HLCS: variants seen among roughly 807,000 people sequenced by gnomAD.
HLCS encodes the protein biotin--protein ligase.
Under a neutral mutation model 75.0 loss-of-function variants are expected in HLCS, and 53 were observed. That is an observed-to-expected ratio of 0.71 (90% confidence interval 0.57 to 0.89). HLCS has a LOEUF of 0.89. HLCS is among the 40% of genes least tolerant of loss of function. The pLI is 0.00. For synonymous variants in HLCS, 431 were observed against 428.6 expected (o/e 1.01, Z -0.07); for missense variants, 966 against 1,074.0 (o/e 0.90, Z 1.41).
At chr21:36,918,977 T>A (rs1277784801) in intron 5 of HLCS, among the ~76,000 whole-genome samples, 1 of 152,242 alleles carries the variant, frequency 6.6e-6, no homozygotes, top group African/African-American at 2.4e-5. Context: ...TGACTGGACA[T>A]GAGATTATAT....
At position 36,787,225 on chromosome 21, in the gene HLCS, G is replaced by A. The variant is rs140832519; in HGVS notation, c.1893-19940C>T. On this transcript the variant is annotated intron_variant, in intron 6 of 10. Coordinates refer to ENST00000674895, the MANE Select transcript of HLCS (RefSeq NM_001352514.2). ...CACGTCCACTCTGAGTGCAGGTCCG[G>A]CTCAGTTTTGGATGTTCCTCCGAGA... Among the ~76,000 whole-genome samples, 304 of 152,342 alleles carry A rather than the reference G, an allele frequency of 2.0e-3. 2 individuals are homozygous for A. The highest frequency in any genetic ancestry group is 3.0e-3 in the Non-Finnish European group (204 of 68,034).
At chr21:36,855,723 C>T (rs1344034450) in intron 6 of HLCS, among the ~76,000 whole-genome samples, 2 of 151,802 alleles carry the variant, frequency 1.3e-5, no homozygotes, top group African/African-American at 4.8e-5. Context: ...ACCACAGGTG[C>T]ACGCCACCAC....
chr21:36,805,399 G>A (rs187545034), intron 6 of HLCS, among the ~76,000 whole-genome samples: 18 of 152,256 alleles, frequency 1.2e-4, no homozygotes, highest in East Asian at 1.2e-3. Flanking sequence ...TCCCGGGCCC[G>A]GCTCCGGGCG....
chr21:36,981,395 C>CTTTTTTT (rs11328067), intron 1 of HLCS, among the ~76,000 whole-genome samples: 21 of 91,298 alleles, frequency 2.3e-4, no homozygotes, highest in African/African-American at 5.2e-4. Flanking sequence ...CTTAACCTTC[C>CTTTTTTT]TTTTTTTTTT....
chr21:36,853,915 T>C (rs528041407), intron 6 of HLCS, among the ~76,000 whole-genome samples: 2 of 152,344 alleles, frequency 1.3e-5, no homozygotes, highest in South Asian at 2.1e-4. Context: ...GTTTTTGTTG[T>C]AGAAAAGCAT....
rs893588102 is a variant in HLCS, at chr21:36,750,263, G to A, written c.*3983C>T. ...CATCGTAGGCCCTAACATGTACCATGTTGACAAAAATGCCAGATCAAATGG... is the reference window on the plus strand; with the variant it reads ...CATCGTAGGCCCTAACATGTACCATATTGACAAAAATGCCAGATCAAATGG... On this transcript the variant is annotated 3_prime_UTR_variant, in exon 11 of 11. Coordinates refer to ENST00000674895, the MANE Select transcript of HLCS (RefSeq NM_001352514.2). Among the ~76,000 whole-genome samples the A allele has an allele frequency of 6.6e-6, 1 of 152,212 alleles. No individual in the cohort carries two copies. The highest frequency in any genetic ancestry group is 1.5e-5 in the Non-Finnish European group (1 of 68,042).
chr21:36,793,295 C>CT lies in HLCS; in HGVS notation c.1893-26011dup, dbSNP rs761549990. On this transcript the variant is annotated intron_variant, in intron 6 of 10. Transcript: ENST00000674895. Reference sequence around the variant, plus strand: ...AGAACACGGGACAGCAGGAAGCAGTCTTTTTTTTTTTTTTTTTTGAGATAG... The same window carrying CT: ...AGAACACGGGACAGCAGGAAGCAGTCTTTTTTTTTTTTTTTTTTTGAGATAG... Among the ~76,000 whole-genome samples, 652 of 116,228 alleles carry CT rather than the reference C, an allele frequency of 5.6e-3. 21 individuals carry two copies. Among genetic ancestry groups the CT allele is most frequent in the East Asian group, 0.018 (72 of 4,008 alleles). The allele number at this position is 116,228 out of a possible 152,430, so 76.3% of individuals were successfully genotyped here.
chr21:36,776,012 C>T (rs144518322), intron 6 of HLCS, among the ~76,000 whole-genome samples: 88 of 152,346 alleles, frequency 5.8e-4, no homozygotes, highest in African/African-American at 1.9e-3. Flanking sequence ...GACAAGAGGA[C>T]ACAGTCTCAG....
intron 5 of HLCS, among the ~76,000 whole-genome samples, chr21:36,910,633 T>C (rs535023284): frequency 5.3e-5 from 8 of 152,100 alleles, no homozygotes; most frequent in African/African-American, 1.4e-4. Context: ...TGACAACCCT[T>C]GGGGTGGGCG....
chr21:36,935,420 T>C (rs2066835048), intron 4 of HLCS, among the ~76,000 whole-genome samples: 1 of 149,660 alleles, frequency 6.7e-6, no homozygotes, highest in South Asian at 2.1e-4. Context: ...TGGAAAAAAA[T>C]GTTTGGCCAG....
At chr21:36,828,726 T>C (rs1482964653) in intron 6 of HLCS, among the ~76,000 whole-genome samples, 1 of 152,244 alleles carries the variant, frequency 6.6e-6, no homozygotes, top group Non-Finnish European at 1.5e-5. Flanking sequence ...AAACAATCTG[T>C]AAATTTGATT....
intron 6 of HLCS, among the ~76,000 whole-genome samples, chr21:36,821,902 A>C (rs546553734): frequency 1.3e-5 from 2 of 152,180 alleles, no homozygotes; most frequent in South Asian, 2.1e-4. Context: ...AAAGAGAAGA[A>C]GACGGGAGGG....
chr21:36,811,676 T>A (rs1056008638), intron 6 of HLCS, among the ~76,000 whole-genome samples: 3 of 152,192 alleles, frequency 2.0e-5, no homozygotes, highest in African/African-American at 7.2e-5. Context: ...AGAAATGTGG[T>A]TCAGAAGTCA....
chr21:36,838,811 G>A (rs2062514479), intron 6 of HLCS, among the ~76,000 whole-genome samples: 1 of 152,068 alleles, frequency 6.6e-6, no homozygotes, highest in Non-Finnish European at 1.5e-5. Flanking sequence ...ATAGCCACAA[G>A]CCAAGGAATG....
At chr21:36,860,375 A>AC (rs979329445) in intron 6 of HLCS, among the ~76,000 whole-genome samples, 6 of 150,682 alleles carry the variant, frequency 4.0e-5, no homozygotes, top group South Asian at 4.2e-4. Context: ...AGGAAGCCAC[A>AC]CCCGCCAGGA....
At chr21:36,866,950 A>T (rs753843339) in intron 6 of HLCS, among the ~76,000 whole-genome samples, 1 of 152,140 alleles carries the variant, frequency 6.6e-6, no homozygotes, top group Non-Finnish European at 1.5e-5. Context: ...GATGATGGAA[A>T]GGGGGCAGTT....
chr21:36,885,046 T>C (rs1162687811), intron 6 of HLCS, among the ~76,000 whole-genome samples: 2 of 152,224 alleles, frequency 1.3e-5, no homozygotes, highest in Non-Finnish European at 2.9e-5. Flanking sequence ...AGAGACTTGC[T>C]TCACATATAA....
intron 3 of HLCS, among the ~76,000 whole-genome samples, chr21:36,938,363 A>C (rs559393223): frequency 3.9e-5 from 6 of 152,308 alleles, no homozygotes; most frequent in East Asian, 3.9e-4. Context: ...GCAGCCCCCC[A>C]AAAAAATCTT....
intron 6 of HLCS, among the ~76,000 whole-genome samples, chr21:36,895,381 T>G (rs551367093): frequency 6.6e-6 from 1 of 152,286 alleles, no homozygotes; most frequent in Non-Finnish European, 1.5e-5. Flanking sequence ...AAGAACAGGC[T>G]TTTTCCTTTT....
Sources: allele counts gnomAD v4.1 joint callset (sites outside exome capture counted in the v4.1 genomes callset), GRCh38; gene constraint gnomAD v4.1.1; transcripts MANE v1.5; gene names NCBI Gene and HGNC (gene_info 2026-07-23, HGNC 2026-07-21).